Variants in GPHN observed in about 807,000 individuals in gnomAD.
GPHN encodes gephyrin.
A neutral mutation model predicts 95.5 loss-of-function variants in GPHN; 17 were observed. The observed-to-expected ratio is 0.18, with a 90% confidence interval of 0.12 to 0.27. The LOEUF is 0.27. Among genes scored for constraint, GPHN ranks in the 10% least tolerant of loss-of-function variants. The probability of loss-of-function intolerance (pLI) is 1.00; values close to 1 mark genes in which losing one functional copy is unlikely to be tolerated. For synonymous variants in GPHN, 320 were observed against 322.5 expected (o/e 0.99, Z 0.08); for missense variants, 660 against 978.1 (o/e 0.67, Z 4.34).
intron 5 of GPHN, among the ~76,000 whole-genome samples, chr14:66,891,643 T>G (rs1427906605): frequency 1.3e-5 from 2 of 152,154 alleles, no homozygotes; most frequent in Non-Finnish European, 2.9e-5. Flanking sequence ...CTAGATAATT[T>G]GGACTTTATC....
chr14:67,360,578 T>G, the GPHN span: 4 of 189,942 alleles, frequency 2.1e-5, no homozygotes, highest in East Asian at 4.9e-4. Flanking sequence ...GCGCGGGAAG[T>G]GGCTGGACAG....
At chr14:67,376,295 C>T in the GPHN span, 8 of 788,844 alleles carry the variant, frequency 1.0e-5, no homozygotes. Flanking sequence ...ACTTTTTATA[C>T]CCACTTAAAG....
At chr14:66,892,559 A>G (rs947532712) in intron 5 of GPHN, among the ~76,000 whole-genome samples, 2 of 152,240 alleles carry the variant, frequency 1.3e-5, no homozygotes, top group Non-Finnish European at 2.9e-5. Flanking sequence ...GGTTAAATAC[A>G]TGGAATGAAA....
At chr14:67,183,927 A>G (rs1386677429), downstream of GPHN, among the ~76,000 whole-genome samples, 1 of 151,408 alleles carries the variant, frequency 6.6e-6, no homozygotes, top group Non-Finnish European at 1.5e-5. Context: ...ATCTCAACTC[A>G]CTGCAGCCTT....
At chr14:67,364,176 TATGAG>T in the GPHN span, 4 of 152,186 alleles carry the variant, frequency 2.6e-5, no homozygotes, top group Non-Finnish European at 4.4e-5. Context: ...GAAAAAGAAT[TATGAG>T]AGGAGGATGC....
the GPHN span, among the ~76,000 whole-genome samples, chr14:67,527,594 G>A: frequency 2.0e-5 from 3 of 152,160 alleles, no homozygotes; most frequent in South Asian, 2.1e-4. Context: ...CTGTGTCCCC[G>A]GTGTGTTTTG....
intron 2 of GPHN, among the ~76,000 whole-genome samples, chr14:66,698,439 T>C (rs2068265999): frequency 1.3e-5 from 2 of 152,180 alleles, no homozygotes; most frequent in African/African-American, 4.8e-5. Context: ...AAACTCTTCT[T>C]ACTGATGTTG....
intron 20 of GPHN, among the ~76,000 whole-genome samples, chr14:67,166,488 T>C (rs1430886772): frequency 1.3e-5 from 2 of 152,226 alleles, no homozygotes; most frequent in African/African-American, 4.8e-5. Context: ...AAAACCTGTT[T>C]TCAAATTCCT....
the GPHN span, among the ~76,000 whole-genome samples, chr14:67,239,157 G>A: frequency 6.6e-6 from 1 of 152,130 alleles, no homozygotes; most frequent in Non-Finnish European, 1.5e-5. Context: ...CATTTGGGTG[G>A]AGGCTTTTTT....
chr14:67,392,498 G>T, the GPHN span: 1 of 1,334,502 alleles, frequency 7.5e-7, no homozygotes, highest in Non-Finnish European at 1.1e-6. Context: ...GGCTGTCAGA[G>T]GGGAAAGGAA....
At chr14:67,300,303 A>G in the GPHN span, among the ~76,000 whole-genome samples, 285 of 150,494 alleles carry the variant, frequency 1.9e-3, no homozygotes, top group African/African-American at 6.6e-3. Flanking sequence ...CATAAAAGGT[A>G]TAGAATTACT....
At chr14:66,779,199 A>G (rs1357546554) in intron 3 of GPHN, among the ~76,000 whole-genome samples, 1 of 152,204 alleles carries the variant, frequency 6.6e-6, no homozygotes, top group Non-Finnish European at 1.5e-5. Flanking sequence ...TGGTAATTCT[A>G]GCTTCAAAAA....
At chr14:66,713,830 G>A (rs1357167029) in intron 2 of GPHN, among the ~76,000 whole-genome samples, 4 of 151,914 alleles carry the variant, frequency 2.6e-5, no homozygotes, top group African/African-American at 7.3e-5. Flanking sequence ...GTGCAGTGAC[G>A]TGATCTTGGC....
intron 1 of GPHN, among the ~76,000 whole-genome samples, chr14:66,594,973 T>C (rs1175564847): frequency 6.6e-6 from 1 of 152,098 alleles, no homozygotes; most frequent in Non-Finnish European, 1.5e-5. Flanking sequence ...CAATCTGATA[T>C]AAAAACATGC....
intron 1 of GPHN, among the ~76,000 whole-genome samples, chr14:66,558,734 A>G (rs2060109169): frequency 6.6e-6 from 1 of 151,500 alleles, no homozygotes; most frequent in African/African-American, 2.4e-5. Context: ...CTTTTTTATT[A>G]TTTTATTTTA....
chr14:67,095,696 G>T (rs1464958915), intron 12 of GPHN, among the ~76,000 whole-genome samples: 1 of 151,686 alleles, frequency 6.6e-6, no homozygotes, highest in East Asian at 1.9e-4. Flanking sequence ...ACCAAACACC[G>T]CATGTTCTCA....
chr14:67,695,734 A>G, the GPHN span: 292 of 1,609,540 alleles, frequency 1.8e-4, 1 homozygote, highest in African/African-American at 3.4e-3. Flanking sequence ...CCAGAGCGGG[A>G]TGCTCCAGCG....
At chr14:67,410,915 G>C in the GPHN span, among the ~76,000 whole-genome samples, 1 of 152,112 alleles carries the variant, frequency 6.6e-6, no homozygotes. Context: ...GGAGGCTAAG[G>C]TGGGCAGATG....
intron 9 of GPHN, among the ~76,000 whole-genome samples, chr14:66,980,783 G>A (rs2070605969): frequency 1.3e-5 from 2 of 152,168 alleles, no homozygotes; most frequent in African/African-American, 4.8e-5. Context: ...GGGTGCAGTG[G>A]CTTACACCTG....
Sources: gnomAD v4.1 joint callset for allele counts (sites outside exome capture counted in the v4.1 genomes callset) on GRCh38, gnomAD v4.1.1 for gene constraint, MANE v1.5 for transcripts, NCBI Gene and HGNC (gene_info 2026-07-23, HGNC 2026-07-21) for gene names.